The following SQSTM1 variants were observed in gnomAD, a reference collection of about 807,000 sequenced individuals.
SQSTM1 encodes the protein sequestosome-1.
In SQSTM1, 36 loss-of-function variants were observed where a neutral mutation model predicts 45.1. The observed-to-expected ratio is 0.80, with a 90% CI of 0.61 to 1.05. SQSTM1 has a LOEUF of 1.05. Ranked by LOEUF, SQSTM1 falls within the 50% of genes least tolerant of loss-of-function variation. SQSTM1 has a pLI of 0.00. For synonymous variants in SQSTM1, 290 were observed against 244.3 expected, an observed-to-expected ratio of 1.19 and a Z score of -1.74; for missense variants, 617 against 607.1, an observed-to-expected ratio of 1.02 and a Z score of -0.17.
At chr5:179,813,568 C>T (rs1422119606) in intron 2 of SQSTM1, 1 of 151,832 alleles carries the variant, frequency 6.6e-6, no homozygotes, top group East Asian at 1.9e-4. Context: ...GCGTGGTTAA[C>T]ACAGCGAGAC....
chr5:179,806,419 C>T lies in SQSTM1; in HGVS notation c.-329C>T, dbSNP rs1757159596. The T allele has an allele frequency of 4.9e-6, 5 of 1,029,420 alleles. No homozygotes were observed. The South Asian group carries it at 1.6e-4, about 33-fold the overall frequency. The allele number at this position is 1,029,420 out of a possible 1,614,324, so 63.8% of individuals were successfully genotyped here. A position where few individuals can be genotyped will look rare whatever the true frequency, so the allele number is the denominator to read the frequency against. ...GCTTCCGGCCGCCTTCCGCGGCCACCGCCGGGCCCGCTCCCGCCGCCGACG... is the reference window on the plus strand; with the variant it reads ...GCTTCCGGCCGCCTTCCGCGGCCACTGCCGGGCCCGCTCCCGCCGCCGACG... On this transcript the variant is annotated 5_prime_UTR_variant, in exon 1 of 6. Coordinates refer to the SQSTM1 transcript ENST00000514093. The surrounding 1 kb of genome is among the most constrained non-coding windows in gnomAD (Gnocchi z 4.6).
Position 179,837,552 on chromosome 5 carries a change from G to A in SQSTM1, c.*959G>A, listed in dbSNP as rs1253993599. 6.2e-7 allele frequency: 1 copy of A among 1,614,212 alleles called. No homozygotes were observed. Among genetic ancestry groups the A allele is most frequent in the Non-Finnish European group, 8.5e-7 (1 of 1,180,022 alleles). On this transcript the variant is annotated 3_prime_UTR_variant, in exon 8 of 8. Coordinates refer to ENST00000389805, the MANE Select transcript of SQSTM1 (RefSeq NM_003900.5). ...GGCCTCTCAGACCCAGATGTGACGGGGTGTGTGGCCCGAGGAAGCTGGACA... is the reference window on the plus strand; with the variant it reads ...GGCCTCTCAGACCCAGATGTGACGGAGTGTGTGGCCCGAGGAAGCTGGACA...
In SQSTM1 at chr5:179,824,166, C is replaced by CT; in HGVS notation, c.532-15dup. 6.2e-7 allele frequency: 1 copy of CT among 1,613,734 alleles called. No homozygotes were observed. Among genetic ancestry groups the CT allele is most frequent in the Middle Eastern group, 1.6e-4 (1 of 6,062 alleles). On this transcript the variant is annotated splice_polypyrimidine_tract_variant and intron_variant, in intron 3 of 7. Transcript: ENST00000389805. ...GACCCGCTCACTGCCTGCCGCTCTG[C>CT]TAATTCCTCCCCCAGGGCTTCTCGC...
In SQSTM1 at chr5:179,825,206, C is replaced by T. The variant is rs762767720; in HGVS notation, c.734C>T (p.Ala245Val). 2.7e-5 allele frequency: 43 copies of T among 1,613,890 alleles called. No individual in the cohort carries two copies. The Admixed American group carries it at 7.2e-4, about 27-fold the overall frequency. The change falls in exon 5 of 8, where the codon GCA (alanine) becomes GTA (valine). Residue 245 changes from alanine (A) to valine (V), a missense_variant. By Grantham distance (64) the Ala-to-Val change is moderately conservative. Coordinates refer to ENST00000389805, the MANE Select transcript of SQSTM1 (RefSeq NM_003900.5). ...CTGAAGAACGTTGGGGAGAGTGTGG[C>T]AGCTGCCCTTAGCCCTCTGGGTGAG... is the stretch of plus-strand genomic sequence containing the variant. ...NFLKNVGESV[A>V]AALSPLGIEV...
chr5:179,807,210 C>T (rs1270135785), intron 1 of SQSTM1: 1 of 152,626 alleles, frequency 6.6e-6, no homozygotes, highest in Non-Finnish European at 1.5e-5. Context: ...CGGTACCCTT[C>T]TCAGCAACAT....
rs987883372 is a variant in SQSTM1 at position 179,836,765 on chromosome 5, C to T, written c.*172C>T. ...AAAACAAGTGACATGAAGGGAGGGT[C>T]CCTGTGTGTGTGTGTGCTGATGTTT... On this transcript the variant is annotated 3_prime_UTR_variant, in exon 8 of 8. Coordinates refer to ENST00000389805, the MANE Select transcript of SQSTM1 (RefSeq NM_003900.5). The T allele has an allele frequency of 1.0e-5, 10 of 990,232 alleles. No individual in the cohort carries two copies. Among genetic ancestry groups the T allele is most frequent in the African/African-American group, 1.6e-5 (1 of 62,400 alleles). The allele number at this position is 990,232 out of a possible 1,614,324, so 61.3% of individuals were successfully genotyped here. A position where few individuals can be genotyped will look rare whatever the true frequency, so the allele number is the denominator to read the frequency against.
In SQSTM1 at chr5:179,836,606, ACCTCTTCTGCGTGCC is replaced by A. The variant is rs138527258; in HGVS notation, c.*23_*37del. 7.8e-4 allele frequency: 1,264 copies of A among 1,613,814 alleles called. 12 individuals carry two copies. In the African/African-American group the frequency reaches 0.015, roughly 19 times the overall value. On this transcript the variant is annotated 3_prime_UTR_variant, in exon 8 of 8. Transcript: ENST00000389805. The stretch of plus-strand genomic sequence containing the variant: ...CCCGCCGTTGTGACCACTTTTGCCC[ACCTCTTCTGCGTGCC>A]CCTCTTCTGTCTCATAGTTGTGTTA...
At chr5:179,834,182 C>G (rs1418430347) in intron 7 of SQSTM1, among the ~76,000 whole-genome samples, 3 of 129,354 alleles carry the variant, frequency 2.3e-5, no homozygotes, top group South Asian at 4.7e-4. Flanking sequence ...GCCAAGATCC[C>G]TGTAGGAGCC....
chr5:179,807,277 C>A (rs541285857), intron 1 of SQSTM1: 38 of 152,274 alleles, frequency 2.5e-4, no homozygotes, highest in African/African-American at 9.1e-4. Flanking sequence ...CTTTCCCGGG[C>A]GTGAGGGGCT....
At chr5:179,807,161 GGGCGGGGGGCGGGC>G (rs939430198) in intron 1 of SQSTM1, among the ~76,000 whole-genome samples, 64 of 152,006 alleles carry the variant, frequency 4.2e-4, no homozygotes, top group Admixed American at 1.6e-3. Context: ...ACCGCAGCCG[GGGCGGGGGGCGGGC>G]GGCGGGGGCG....
chr5:179,813,170 C>T (rs1757481957), intron 2 of SQSTM1: 1 of 152,104 alleles, frequency 6.6e-6, no homozygotes, highest in South Asian at 2.1e-4. Flanking sequence ...GTATATTCAC[C>T]ATGTACCAAA....
At chr5:179,824,499 A>T (rs1259838136) in intron 4 of SQSTM1, among the ~76,000 whole-genome samples, 176 bp downstream of exon 4, 1 of 152,156 alleles carries the variant, frequency 6.6e-6, no homozygotes, top group African/African-American at 2.4e-5. Context: ...TCCATTTCCC[A>T]AATGGGGAAA....
upstream of SQSTM1, chr5:179,820,309 T>C (rs1757724476): frequency 6.6e-6 from 1 of 152,486 alleles, no homozygotes; most frequent in Admixed American, 6.5e-5. Flanking sequence ...AACTGGGAAC[T>C]TCTCTGGTGC....
chr5:179,822,502 G>A (rs1757818648), intron 1 of SQSTM1: 1 of 264,882 alleles, frequency 3.8e-6, no homozygotes, highest in Non-Finnish European at 7.6e-6. Context: ...AAGGAAGCAG[G>A]CAGATGCCCT....
intron 5 of SQSTM1, among the ~76,000 whole-genome samples, chr5:179,826,165 C>G (rs778292239): frequency 6.6e-6 from 1 of 151,352 alleles, no homozygotes; most frequent in Non-Finnish European, 1.5e-5. Flanking sequence ...TTGCTCATTC[C>G]GATTTTTTTT....
Position 179,837,532 on chromosome 5 carries a change from C to T in SQSTM1, c.*939C>T. 6.2e-7 allele frequency: 1 copy of T among 1,614,222 alleles called. No individual in the cohort carries two copies. The highest frequency in any genetic ancestry group is 8.5e-7 in the Non-Finnish European group (1 of 1,180,024). On this transcript the variant is annotated 3_prime_UTR_variant, in exon 8 of 8. Coordinates refer to ENST00000389805, the MANE Select transcript of SQSTM1 (RefSeq NM_003900.5). ...CCCATGAGGTCTTCCCGCAAGGCCT[C>T]TCAGACCCAGATGTGACGGGGTGTG...
Position 179,837,088 on chromosome 5 carries a change from G to A in SQSTM1, c.*495G>A, listed in dbSNP as rs1030951759. The A allele has an allele frequency of 3.5e-6, 3 of 869,344 alleles. No individual in the cohort carries two copies. Among genetic ancestry groups the A allele is most frequent in the East Asian group, 2.6e-5 (1 of 37,922 alleles). 53.9% of individuals were successfully genotyped at this position (869,344 alleles called of 1,614,324 possible). On this transcript the variant is annotated 3_prime_UTR_variant, in exon 8 of 8. Transcript: ENST00000389805. ...TCCTGCTGGGACTGAGAAGGCTCAC[G>A]AAGGGCATCCGCAATGTTGGTTTCA...
chr5:179,827,241 C>T (rs1275626766), intron 5 of SQSTM1, among the ~76,000 whole-genome samples: 1 of 152,168 alleles, frequency 6.6e-6, no homozygotes, highest in Non-Finnish European at 1.5e-5. Context: ...GCTGGTGCAG[C>T]ATCTCGGAAC....
intron 5 of SQSTM1, among the ~76,000 whole-genome samples, chr5:179,831,930 A>C (rs1344404672): frequency 2.0e-5 from 3 of 151,880 alleles, no homozygotes; most frequent in African/African-American, 4.8e-5. Flanking sequence ...ACTACAGGCG[A>C]TTGCCACCAC....
Sources: allele counts gnomAD v4.1 joint callset (sites outside exome capture counted in the v4.1 genomes callset), GRCh38; gene constraint gnomAD v4.1.1; non-coding constraint Gnocchi (gnomAD v3.1); transcripts MANE v1.5; gene names NCBI Gene and HGNC (gene_info 2026-07-23, HGNC 2026-07-21).